TLR2: variants seen among roughly 807,000 people sequenced by gnomAD.
The protein encoded by TLR2 is toll-like receptor 2.
In TLR2, 7 loss-of-function variants were observed where a neutral mutation model predicts 9.1. That is an observed-to-expected ratio of 0.77 (90% confidence interval 0.44 to 1.44). The LOEUF (loss-of-function observed/expected upper bound fraction) is 1.44, where lower values mean the gene tolerates loss of function less well. TLR2 is among the 40% of genes most tolerant of loss of function. The pLI, the probability that TLR2 is intolerant of heterozygous loss-of-function variation, is 0.01. For synonymous variants in TLR2, 317 were observed against 344.6 expected (o/e 0.92, Z 0.89); for missense variants, 812 against 904.6 (o/e 0.90, Z 1.31).
Position 153,705,007 on chromosome 4 carries a change from CTT to C in TLR2, c.2102_2103del (p.Phe701CysfsTer4), listed in dbSNP as rs1445359108. 15 of 1,613,578 alleles carry C rather than the reference CTT, an allele frequency of 9.3e-6. No homozygotes were observed. The Admixed American group carries it at 2.2e-4, about 23-fold the overall frequency. On this transcript the variant is annotated frameshift_variant, in exon 3 of 3. Coordinates refer to ENST00000642700, the MANE Select transcript of TLR2 (RefSeq NM_001318789.2). LOFTEE classifies it high-confidence loss of function. Reference protein sequence around the residue: ...DSIEKSHKTVFVLSENFVKSE... With the variant: ...DSIEKSHKTVXVLSENFVKSE... ...CCATTGAAAAGAGCCACAAAACTGT[CTT>C]TGTGCTTTCTGAAAACTTTGTGAAG...
chr4:153,704,870 G>T lies in TLR2; in HGVS notation c.1963G>T (p.Val655Leu), dbSNP rs545440880. 1 of 1,613,928 alleles carries T rather than the reference G, an allele frequency of 6.2e-7. No homozygotes were observed. Among genetic ancestry groups the T allele is most frequent in the Non-Finnish European group, 8.5e-7 (1 of 1,180,028 alleles). Residue 655 changes from valine (V) to leucine (L), a missense_variant, in exon 3 of 3, where the codon GTG becomes TTG. Transcript: ENST00000642700. ...TTACAGTGAGCGGGATGCCTACTGG[G>T]TGGAGAACCTTATGGTCCAGGAGCT... ...VSYSERDAYWVENLMVQELEN... is the reference protein window; with the variant it reads ...VSYSERDAYWLENLMVQELEN...
chr4:153,702,900 A>C lies in TLR2; in HGVS notation c.-8A>C, dbSNP rs945838748. 1 of 1,594,522 alleles carries C rather than the reference A, an allele frequency of 6.3e-7. No individual in the cohort carries two copies. The highest frequency in any genetic ancestry group is 8.5e-7 in the Non-Finnish European group (1 of 1,169,644). On this transcript the variant is annotated 5_prime_UTR_variant, in exon 3 of 3. Transcript: ENST00000642700. ...ACCTCTTTTATTTGTAGGTTGAAGC[A>C]CTGGACAATGCCACATACTTTGTGG...
intron 2 of TLR2, among the ~76,000 whole-genome samples, chr4:153,694,204 C>G (rs1007508435): frequency 6.6e-6 from 1 of 152,228 alleles, no homozygotes; most frequent in Non-Finnish European, 1.5e-5. Context: ...AGGAACACGT[C>G]CTTAAGGCAC....
intron 2 of TLR2, 126 bp from the exon 3 acceptor site, chr4:153,702,763 TGTG>T (rs1453176023): frequency 1.3e-3 from 34 of 26,894 alleles, no homozygotes; most frequent in African/African-American, 2.5e-3. Flanking sequence ...TCTCTCTCTT[TGTG>T]TGTGTGTGTG....
intron 2 of TLR2, among the ~76,000 whole-genome samples, chr4:153,698,247 A>G (rs1005189084): frequency 1.3e-5 from 2 of 152,202 alleles, no homozygotes; most frequent in Non-Finnish European, 2.9e-5. Context: ...CCAACCCAAC[A>G]TGAAGCAGAA....
chr4:153,694,181 A>C (rs892149064), intron 2 of TLR2, among the ~76,000 whole-genome samples: 1 of 152,274 alleles, frequency 6.6e-6, no homozygotes, highest in Non-Finnish European at 1.5e-5. Flanking sequence ...GGCTCTGGCT[A>C]GATATCTGCA....
At position 153,704,145 on chromosome 4, in the gene TLR2, A is replaced by G; in HGVS notation, c.1238A>G (p.Lys413Arg). 2 of 1,613,592 alleles carry G rather than the reference A, an allele frequency of 1.2e-6. No homozygotes were observed. The highest frequency in any genetic ancestry group is 1.7e-6 in the Non-Finnish European group (2 of 1,179,912). The change falls in exon 3 of 3, where the codon AAA becomes AGA. Residue 413 changes from lysine (K) to arginine (R), a missense_variant. Lys to Arg is a conservative substitution (Grantham distance 26). Transcript: ENST00000642700. ...ACCGGAGAGACTTTGCTCACTCTGA[A>G]AAACTTGACTAACATTGATATCAGT... is the stretch of plus-strand genomic sequence containing the variant. ...EKTGETLLTL[K>R]NLTNIDISKN...
intron 2 of TLR2, among the ~76,000 whole-genome samples, chr4:153,699,508 A>G (rs1247896326): frequency 6.6e-6 from 1 of 152,202 alleles, no homozygotes; most frequent in Non-Finnish European, 1.5e-5. Context: ...TAGCTACTAC[A>G]GCTCACTCTA....
Position 153,704,185 on chromosome 4 carries a change from T to G in TLR2, c.1278T>G (p.His426Gln), listed in dbSNP as rs149391877. The change falls in exon 3 of 3, where the codon CAT becomes CAG. Residue 426 changes from histidine to glutamine, a missense_variant. His to Gln is a conservative substitution (Grantham distance 24, BLOSUM62 0). Transcript: ENST00000642700. ...TNIDISKNSF[H>Q]SMPETCQWPE... ...TTGATATCAGTAAGAATAGTTTTCA[T>G]TCTATGCCTGAAACTTGTCAGTGGC... is the stretch of plus-strand genomic sequence containing the variant. 1 of 1,614,034 alleles carries G rather than the reference T, an allele frequency of 6.2e-7. No homozygotes were observed. The highest frequency in any genetic ancestry group is 1.3e-5 in the African/African-American group (1 of 74,950).
intron 2 of TLR2, among the ~76,000 whole-genome samples, chr4:153,700,973 T>A (rs892207355): frequency 3.3e-5 from 5 of 152,162 alleles, no homozygotes; most frequent in African/African-American, 1.2e-4. Context: ...CAACCCCAGG[T>A]AGATTATAGA....
intron 2 of TLR2, chr4:153,702,115 G>A (rs944620672): frequency 2.0e-5 from 3 of 152,192 alleles, no homozygotes; most frequent in African/African-American, 7.2e-5. Flanking sequence ...AAAGTTGTTG[G>A]GTTTATGGTT....
intron 2 of TLR2, among the ~76,000 whole-genome samples, chr4:153,689,414 G>T (rs879731775): frequency 6.6e-6 from 1 of 152,140 alleles, no homozygotes; most frequent in Non-Finnish European, 1.5e-5. Context: ...GCCATGGCAC[G>T]CAGACTGAGA....
chr4:153,704,461 A>G lies in TLR2; in HGVS notation c.1554A>G (p.Gln518=), dbSNP rs376583514. Residue 518 remains glutamine (Q), a synonymous_variant, in exon 3 of 3, where the codon CAA becomes CAG. Coordinates refer to ENST00000642700, the MANE Select transcript of TLR2 (RefSeq NM_001318789.2). Reference sequence around the variant, plus strand: ...CAATAACTACGTTTTCTAAGGAGCAACTTGACTCATTTCACACACTGAAGA... The same window carrying G: ...CAATAACTACGTTTTCTAAGGAGCAGCTTGACTCATTTCACACACTGAAGA... ...RNAITTFSKE[Q]LDSFHTLKTL... is the part of the protein sequence containing the mutation. The G allele has an allele frequency of 1.4e-5, 22 of 1,614,056 alleles. No homozygotes were observed. The highest frequency in any genetic ancestry group is 2.2e-5 in the South Asian group (2 of 91,084).
rs1398618650 is a variant in TLR2, at chr4:153,702,964, G to A, written c.57G>A (p.Lys19=). 6.2e-7 allele frequency: 1 copy of A among 1,613,908 alleles called. No homozygotes were observed. Among genetic ancestry groups the A allele is most frequent in the East Asian group, 2.2e-5 (1 of 44,880 alleles). ...TGGGGGTCATCATCAGCCTCTCCAA[G>A]GAAGAATCCTCCAATCAGGCTTCTC... is the stretch of plus-strand genomic sequence containing the variant. ...WVLGVIISLS[K]EESSNQASLS... is the part of the protein sequence containing the mutation. The change falls in exon 3 of 3, where the codon AAG becomes AAA. Residue 19 remains lysine, a synonymous_variant. Transcript: ENST00000642700.
chr4:153,698,627 A>G (rs774546342), intron 2 of TLR2, among the ~76,000 whole-genome samples: 1 of 152,186 alleles, frequency 6.6e-6, no homozygotes, highest in African/African-American at 2.4e-5. Context: ...AAAATGGCTT[A>G]TAATCAATGT....
At chr4:153,696,685 A>G (rs1736521930) in intron 2 of TLR2, among the ~76,000 whole-genome samples, 1 of 152,206 alleles carries the variant, frequency 6.6e-6, no homozygotes, top group Non-Finnish European at 1.5e-5. Flanking sequence ...CAGTTCATAG[A>G]TATGTCAATG....
At chr4:153,686,321 C>T (rs912392328) in intron 1 of TLR2, among the ~76,000 whole-genome samples, 1 of 152,122 alleles carries the variant, frequency 6.6e-6, no homozygotes, top group African/African-American at 2.4e-5. Flanking sequence ...CACATTCAAA[C>T]CATAGCAATA....
Position 153,705,226 on chromosome 4 carries a change from AT to A in TLR2, c.2323del (p.Trp775GlyfsTer2). 6.3e-7 allele frequency: 1 copy of A among 1,599,036 alleles called. No homozygotes were observed. Among genetic ancestry groups the A allele is most frequent in the Non-Finnish European group, 8.5e-7 (1 of 1,171,160 alleles). ...CCATGGACGAGGCTCAGCGGGAAGGATTTTGGGTAAATCTGAGAGCTGCGAT... is the reference window on the plus strand; with the variant it reads ...CCATGGACGAGGCTCAGCGGGAAGGATTTGGGTAAATCTGAGAGCTGCGAT... ...WPMDEAQREG[F>X]WVNLRAAIKS On this transcript the variant is annotated frameshift_variant, in exon 3 of 3. Coordinates refer to ENST00000642700, the MANE Select transcript of TLR2 (RefSeq NM_001318789.2). LOFTEE classifies it high-confidence loss of function.
rs189398930 is a variant in TLR2, at chr4:153,693,586, C to T, written c.-17+5539C>T. 2.7e-3 allele frequency among the ~76,000 whole-genome samples: 416 copies of T among 152,228 alleles called. 1 individual carries two copies. Among genetic ancestry groups the T allele is most frequent in the African/African-American group, 9.0e-3 (372 of 41,546 alleles). On this transcript the variant is annotated intron_variant, in intron 2 of 2. Coordinates refer to ENST00000642700, the MANE Select transcript of TLR2 (RefSeq NM_001318789.2). ...GGAGGATCAGGCTACTCTTTTGCTT[C>T]GAAATAATGAGGGGGTGCAGAAGGG...
Sources: gnomAD v4.1 joint callset for allele counts (sites outside exome capture counted in the v4.1 genomes callset) on GRCh38, gnomAD v4.1.1 for gene constraint, MANE v1.5 for transcripts, NCBI Gene and HGNC (gene_info 2026-07-23, HGNC 2026-07-21) for gene names.